Variants in SLC26A8 observed in about 807,000 individuals in gnomAD.
SLC26A8 encodes testis anion transporter 1.
A neutral mutation model predicts 105.0 loss-of-function variants in SLC26A8; 70 were observed. The observed-to-expected ratio is 0.67, with a 90% CI of 0.55 to 0.81. The LOEUF (loss-of-function observed/expected upper bound fraction) is 0.81. Among genes scored for constraint, SLC26A8 ranks in the 40% least tolerant of loss-of-function variants. SLC26A8 has a pLI of 0.00. For synonymous variants in SLC26A8, 415 were observed against 438.3 expected (o/e 0.95, Z 0.66); for missense variants, 998 against 1,181.8 (o/e 0.84, Z 2.28).
chr6:35,947,291 G>A (rs1052973172), intron 19 of SLC26A8, among the ~76,000 whole-genome samples: 6 of 152,040 alleles, frequency 3.9e-5, no homozygotes, highest in South Asian at 2.1e-4. Context: ...TTGGCCTCCC[G>A]AAGTGCTAGG....
At chr6:35,966,622 T>G (rs941561035) in intron 11 of SLC26A8, among the ~76,000 whole-genome samples, 4 of 152,196 alleles carry the variant, frequency 2.6e-5, no homozygotes, top group Admixed American at 2.6e-4. Context: ...TTGGTCCTCT[T>G]GTAACTAGTT....
chr6:36,014,144 G>A (rs573172460), intron 2 of SLC26A8, among the ~76,000 whole-genome samples: 4 of 152,184 alleles, frequency 2.6e-5, no homozygotes, highest in African/African-American at 9.7e-5. Context: ...TTCTAATTAT[G>A]AGCCTCTGTG....
chr6:36,023,424 G>A (rs991984562), intron 1 of SLC26A8, among the ~76,000 whole-genome samples: 1 of 151,686 alleles, frequency 6.6e-6, no homozygotes, highest in South Asian at 2.1e-4. Flanking sequence ...TGGCGTGCCT[G>A]TAGTCCTGGC....
intron 17 of SLC26A8, 23 bp downstream of exon 17, chr6:35,955,129 G>T: frequency 6.2e-7 from 1 of 1,613,814 alleles, no homozygotes; most frequent in Non-Finnish European, 8.5e-7. Flanking sequence ...CAGAGCTCCT[G>T]CCAAGGCCTC....
chr6:35,983,325 T>C (rs1773354938), intron 7 of SLC26A8, among the ~76,000 whole-genome samples: 1 of 152,186 alleles, frequency 6.6e-6, no homozygotes, highest in South Asian at 2.1e-4. Context: ...AGGTAATACT[T>C]GTTCACAGAG....
chr6:35,975,034 A>G (rs917767195), intron 10 of SLC26A8, among the ~76,000 whole-genome samples: 5 of 152,078 alleles, frequency 3.3e-5, no homozygotes, highest in African/African-American at 1.2e-4. Context: ...TTGGTATTAC[A>G]GGCGTGAGCC....
intron 3 of SLC26A8, among the ~76,000 whole-genome samples, chr6:36,002,276 G>T (rs1163002199): frequency 6.6e-6 from 1 of 152,134 alleles, no homozygotes; most frequent in East Asian, 1.9e-4. Flanking sequence ...TGTTTCCAGG[G>T]TTCATGGTAT....
intron 2 of SLC26A8, among the ~76,000 whole-genome samples, chr6:36,018,802 G>C (rs1762057562): frequency 6.6e-6 from 1 of 152,206 alleles, no homozygotes; most frequent in African/African-American, 2.4e-5. Context: ...AGTCACAGCG[G>C]GTATCAGAGG....
intron 8 of SLC26A8, among the ~76,000 whole-genome samples, chr6:35,979,854 A>G (rs1773202446): frequency 6.6e-6 from 1 of 152,260 alleles, no homozygotes; most frequent in Non-Finnish European, 1.5e-5. Context: ...GGATAAATAC[A>G]TAATAAAAGA....
Position 35,961,077 on chromosome 6 carries a change from G to A in SLC26A8, c.1484C>T (p.Ser495Leu), listed in dbSNP as rs776073302. Residue 495 changes from serine to leucine, a missense_variant, in exon 13 of 20, where the codon TCA (serine) becomes TTA (leucine). Transcript: ENST00000490799. ...YDCALWMMTF[S>L]SSIFLGLDIG... ...GTCCAGTCCCAGGAAAATTGAAGATGAGAATGTCATCATCCAAAGAGCCTT... is the reference window on the plus strand; with the variant it reads ...GTCCAGTCCCAGGAAAATTGAAGATAAGAATGTCATCATCCAAAGAGCCTT... 1.7e-5 allele frequency: 27 copies of A among 1,613,934 alleles called. No individual in the cohort carries two copies. The highest frequency in any genetic ancestry group is 2.2e-5 in the Non-Finnish European group (26 of 1,179,930).
intron 19 of SLC26A8, among the ~76,000 whole-genome samples, chr6:35,949,219 G>C (rs1025599917): frequency 6.6e-6 from 1 of 152,110 alleles, no homozygotes; most frequent in Admixed American, 6.6e-5. Flanking sequence ...AGATCATGAG[G>C]TCAGGAGTTC....
chr6:35,983,493 A>AC (rs1773361973), intron 7 of SLC26A8, among the ~76,000 whole-genome samples: 8 of 151,996 alleles, frequency 5.3e-5, no homozygotes, highest in Admixed American at 4.6e-4. Context: ...AGTATAGTCT[A>AC]CCTGGATCTC....
chr6:36,006,282 G>T (rs1005025534), intron 3 of SLC26A8, among the ~76,000 whole-genome samples: 2 of 152,072 alleles, frequency 1.3e-5, no homozygotes, highest in Non-Finnish European at 2.9e-5. Flanking sequence ...ACTACACCTG[G>T]CTAATTTTTG....
intron 3 of SLC26A8, among the ~76,000 whole-genome samples, chr6:36,001,374 C>T (rs1345617737): frequency 9.9e-5 from 15 of 152,144 alleles, no homozygotes; most frequent in Non-Finnish European, 5.9e-5. Context: ...GTGATCCACC[C>T]GCCTCGGCCT....
Position 35,955,217 on chromosome 6 carries a change from T to C in SLC26A8, c.2167A>G (p.Thr723Ala). The C allele has an allele frequency of 2.5e-6, 4 of 1,614,100 alleles. No individual in the cohort carries two copies. The highest frequency in any genetic ancestry group is 3.4e-6 in the Non-Finnish European group (4 of 1,180,000). The change falls in exon 17 of 20, where the codon ACC becomes GCC. Residue 723 changes from threonine (T) to alanine (A), a missense_variant. Transcript: ENST00000490799. ...ACCATGGAGAAATCCAGGATGATGG[T>C]GTGGACACTGGGCAGTAGAGACGCA... The part of the protein sequence containing the change: ...SDASLLPSVH[T>A]IILDFSMVHY...
chr6:36,019,497 G>A (rs753662624), intron 2 of SLC26A8, 23 bp downstream of exon 2: 2 of 1,606,492 alleles, frequency 1.2e-6, no homozygotes, highest in Non-Finnish European at 1.7e-6. Context: ...CTCGGCAGCA[G>A]GTGAAAGATT....
intron 7 of SLC26A8, chr6:35,990,307 GA>G (rs1773713029): frequency 3.4e-6 from 1 of 292,482 alleles, no homozygotes; most frequent in Non-Finnish European, 6.6e-6. Flanking sequence ...ATTTCTTTCT[GA>G]AGGCTGAGGT....
chr6:35,994,110 TC>T lies in SLC26A8; in HGVS notation c.628-1437del, dbSNP rs1195306851. On this transcript the variant is annotated intron_variant, in intron 5 of 19. Transcript: ENST00000490799. ...CCGGCACTGTGTCTCCCTTTTTTTT[TC>T]TTTTCTTTTTTTTTTTTTTTTGAGA... is the stretch of plus-strand genomic sequence containing the variant. 9.1e-3 allele frequency among the ~76,000 whole-genome samples: 1,199 copies of T among 132,294 alleles called. 16 individuals carry two copies. Among genetic ancestry groups the T allele is most frequent in the African/African-American group, 0.031 (1,129 of 36,490 alleles). The allele number at this position is 132,294 out of a possible 152,430, so 86.8% of individuals were successfully genotyped here.
At chr6:35,982,304 A>G in intron 7 of SLC26A8, 101 bp from the exon 8 acceptor site, 1 of 1,102,326 alleles carries the variant, frequency 9.1e-7, no homozygotes, top group South Asian at 1.3e-5. Flanking sequence ...GCAGGACAGA[A>G]AATGAAACAG....
Sources: gnomAD v4.1 joint callset for allele counts (sites outside exome capture counted in the v4.1 genomes callset) on GRCh38, gnomAD v4.1.1 for gene constraint, MANE v1.5 for transcripts, NCBI Gene and HGNC (gene_info 2026-07-23, HGNC 2026-07-21) for gene names.